SCAND3: variants seen among roughly 807,000 people sequenced by gnomAD.
SCAND3 encodes the protein SCAN domain containing 3.
the SCAND3 span, among the ~76,000 whole-genome samples, chr6:28,588,564 G>C: frequency 1.3e-5 from 2 of 152,176 alleles, no homozygotes; most frequent in Non-Finnish European, 2.9e-5. This position sits in a 1 kb window ranked among gnomAD's most constrained non-coding sequence, Gnocchi z 4.1. Flanking sequence ...TTGATGCCGA[G>C]TTTGTTGTAT....
the SCAND3 span, chr6:28,572,858 T>C: frequency 3.0e-4 from 488 of 1,613,844 alleles, no homozygotes; most frequent in Middle Eastern, 8.3e-4. The surrounding 1 kb of genome is among the most constrained non-coding windows in gnomAD (Gnocchi z 4.1). Context: ...TCAGCTGATA[T>C]TTTTTTCATG....
the SCAND3 span, among the ~76,000 whole-genome samples, chr6:28,577,486 T>C: frequency 1.3e-5 from 2 of 152,166 alleles, no homozygotes; most frequent in Non-Finnish European, 2.9e-5. Flanking sequence ...ATTCCAGGCA[T>C]CTAACTATCT....
the SCAND3 span, chr6:28,588,260 C>G: frequency 6.6e-6 from 1 of 152,176 alleles, no homozygotes; most frequent in Non-Finnish European, 1.5e-5. The surrounding 1 kb of genome is among the most constrained non-coding windows in gnomAD (Gnocchi z 4.1). Flanking sequence ...CTGAACTTAT[C>G]TTTTGTTTCC....
chr6:28,589,289 T>C, the SCAND3 span: 1 of 152,230 alleles, frequency 6.6e-6, no homozygotes, highest in Non-Finnish European at 1.5e-5. Context: ...CACTGAAGCC[T>C]GACCTAACTC....
chr6:28,608,477 A>C, the SCAND3 span, among the ~76,000 whole-genome samples: 4 of 152,082 alleles, frequency 2.6e-5, no homozygotes, highest in African/African-American at 7.2e-5. Flanking sequence ...AACACATTTA[A>C]CTAGATGACC....
chr6:28,597,443 C>A, the SCAND3 span, among the ~76,000 whole-genome samples: 2 of 151,944 alleles, frequency 1.3e-5, no homozygotes, highest in Non-Finnish European at 2.9e-5. Context: ...GTGGCAAAGT[C>A]ATTTTCTTCC....
the SCAND3 span, chr6:28,579,549 TA>T: frequency 3.5e-6 from 3 of 849,132 alleles, no homozygotes; most frequent in African/African-American, 3.4e-5. The surrounding 1 kb of genome is among the most constrained non-coding windows in gnomAD (Gnocchi z 4.5). Context: ...AAGTACAAGA[TA>T]AAACATGAAG....
chr6:28,595,088 C>T, the SCAND3 span, among the ~76,000 whole-genome samples: 2 of 147,778 alleles, frequency 1.4e-5, no homozygotes, highest in Admixed American at 6.9e-5. Context: ...TGGCCAGAAG[C>T]GGTAATCCCA....
the SCAND3 span, chr6:28,589,699 C>G: frequency 2.1e-4 from 32 of 152,180 alleles, no homozygotes; most frequent in African/African-American, 7.2e-4. Context: ...ACGAAAAGCT[C>G]CAGCAGCAAC....
the SCAND3 span, among the ~76,000 whole-genome samples, chr6:28,595,215 A>AC: frequency 2.8e-5 from 4 of 144,052 alleles, no homozygotes; most frequent in Non-Finnish European, 6.1e-5. Context: ...AAAAAAAAAA[A>AC]AAAAAAAAGC....
At chr6:28,574,122 T>C in the SCAND3 span, among the ~76,000 whole-genome samples, 1 of 152,196 alleles carries the variant, frequency 6.6e-6, no homozygotes, top group Non-Finnish European at 1.5e-5. Flanking sequence ...TAAATTGGTC[T>C]ATATTCTATT....
chr6:28,583,780 T>C, the SCAND3 span, among the ~76,000 whole-genome samples: 4 of 152,214 alleles, frequency 2.6e-5, no homozygotes, highest in Admixed American at 6.5e-5. Flanking sequence ...GGAGGCAGCT[T>C]GTAGCTTGTG....
chr6:28,575,499 C>CTTTG, the SCAND3 span: 1 of 1,613,926 alleles, frequency 6.2e-7, no homozygotes, highest in Non-Finnish European at 8.5e-7. This position sits in a 1 kb window ranked among gnomAD's most constrained non-coding sequence, Gnocchi z 4.2. Flanking sequence ...AAAAAGTTAA[C>CTTTG]TTTGTACAGA....
the SCAND3 span, among the ~76,000 whole-genome samples, chr6:28,578,898 C>T: frequency 6.6e-6 from 1 of 151,992 alleles, no homozygotes; most frequent in Non-Finnish European, 1.5e-5. Flanking sequence ...GTAGAATTTC[C>T]AAATAGTATT....
At chr6:28,603,871 A>G in the SCAND3 span, among the ~76,000 whole-genome samples, 1 of 152,004 alleles carries the variant, frequency 6.6e-6, no homozygotes, top group Non-Finnish European at 1.5e-5. Flanking sequence ...GTCAGCTGGG[A>G]CTCGCTGCTC....
At chr6:28,605,802 C>T in the SCAND3 span, among the ~76,000 whole-genome samples, 2 of 151,960 alleles carry the variant, frequency 1.3e-5, no homozygotes, top group Non-Finnish European at 2.9e-5. Flanking sequence ...GCCGAGATCG[C>T]GCCATTGCAC....
At chr6:28,604,352 C>T in the SCAND3 span, among the ~76,000 whole-genome samples, 2 of 152,052 alleles carry the variant, frequency 1.3e-5, no homozygotes, top group African/African-American at 4.8e-5. Context: ...CACTGTGGCT[C>T]ACGCCTATAA....
chr6:28,574,761 A>G, the SCAND3 span: 1 of 1,614,152 alleles, frequency 6.2e-7, no homozygotes, highest in South Asian at 1.1e-5. Context: ...TGCTGGTTTC[A>G]TAGCAAAGGC....
At chr6:28,572,602 A>C in the SCAND3 span, 1 of 1,614,086 alleles carries the variant, frequency 6.2e-7, no homozygotes. The surrounding 1 kb of genome is among the most constrained non-coding windows in gnomAD (Gnocchi z 4.1). Context: ...TGTCCAATTC[A>C]CATCTTTAAA....
Sources: gnomAD v4.1 joint callset for allele counts (sites outside exome capture counted in the v4.1 genomes callset) on GRCh38, gnomAD v4.1.1 for gene constraint, Gnocchi (gnomAD v3.1) non-coding constraint, MANE v1.5 for transcripts, NCBI Gene and HGNC (gene_info 2026-07-23, HGNC 2026-07-21) for gene names.